The following OPCML variants were observed in gnomAD, a reference collection of about 807,000 sequenced individuals.
OPCML encodes the protein opioid binding protein/cell adhesion molecule like.
A neutral mutation model predicts 37.8 loss-of-function variants in OPCML; 13 were observed. The observed-to-expected ratio is 0.34, with a 90% CI of 0.22 to 0.55. The LOEUF is 0.55. Ranked by LOEUF, OPCML falls within the 20% of genes least tolerant of loss-of-function variation. OPCML has a pLI of 0.91. For missense variants in OPCML, 341 were observed against 435.6 expected, an observed-to-expected ratio of 0.78 and a Z score of 1.93; for synonymous variants, 176 against 168.8, an observed-to-expected ratio of 1.04 and a Z score of -0.33.
At chr11:133,339,446 G>T (rs1036036026) in intron 1 of OPCML, among the ~76,000 whole-genome samples, 3 of 152,150 alleles carry the variant, frequency 2.0e-5, no homozygotes, top group African/African-American at 7.2e-5. Context: ...TGGCAGGGAG[G>T]GCTGCCCACT....
rs148323977 is a variant in OPCML at position 133,512,303 on chromosome 11, A to C, written c.61+19961T>G. 3.2e-3 allele frequency among the ~76,000 whole-genome samples: 491 copies of C among 152,360 alleles called. 3 individuals carry two copies. The highest frequency in any genetic ancestry group is 0.011 in the African/African-American group (469 of 41,592). On this transcript the variant is annotated intron_variant, in intron 1 of 7. Coordinates refer to ENST00000524381, the MANE Select transcript of OPCML (RefSeq NM_001012393.5). Reference sequence around the variant, plus strand: ...CTAGAGCGGCTCACAAAACTCAGGGAAACACTTTGCTTACATTTTACCCAC... The same window carrying C: ...CTAGAGCGGCTCACAAAACTCAGGGCAACACTTTGCTTACATTTTACCCAC...
chr11:133,457,820 T>C (rs1415134206), intron 1 of OPCML, among the ~76,000 whole-genome samples: 1 of 151,946 alleles, frequency 6.6e-6, no homozygotes, highest in Admixed American at 6.6e-5. Context: ...ATCCTTTAAG[T>C]TGAAAGAAAC....
chr11:133,433,456 G>C (rs1177555107), intron 1 of OPCML, among the ~76,000 whole-genome samples: 1 of 152,072 alleles, frequency 6.6e-6, no homozygotes, highest in Non-Finnish European at 1.5e-5. Flanking sequence ...ATGGTGGTCT[G>C]TTTCCTCATG....
chr11:133,222,380 T>C (rs913529904), intron 1 of OPCML, among the ~76,000 whole-genome samples: 1 of 152,156 alleles, frequency 6.6e-6, no homozygotes, highest in Non-Finnish European at 1.5e-5. Context: ...TGGGGGAAAG[T>C]CAGGCTTGGG....
At chr11:132,921,509 A>G (rs1446163278) in intron 2 of OPCML, among the ~76,000 whole-genome samples, 1 of 152,198 alleles carries the variant, frequency 6.6e-6, no homozygotes, top group East Asian at 1.9e-4. Context: ...GCCCAACTGC[A>G]ATTTCTCACT....
rs141632251 is a variant in OPCML at position 133,483,674 on chromosome 11, TGATAGATAGATAGATA to T, written c.61+48574_61+48589del. On this transcript the variant is annotated intron_variant, in intron 1 of 7. Coordinates refer to ENST00000524381, the MANE Select transcript of OPCML (RefSeq NM_001012393.5). The stretch of plus-strand genomic sequence containing the variant: ...TAGATAGACAGATTAGATAAATAGA[TGATAGATAGATAGATA>T]GATAGATAGATAGATAGATAGATAG... Among the ~76,000 whole-genome samples the T allele has an allele frequency of 3.4e-3, 492 of 146,114 alleles. 2 individuals carry two copies. The highest frequency in any genetic ancestry group is 0.016 in the Middle Eastern group (2 of 122).
At chr11:133,436,242 C>T (rs536553019) in intron 1 of OPCML, among the ~76,000 whole-genome samples, 2 of 152,044 alleles carry the variant, frequency 1.3e-5, no homozygotes, top group South Asian at 2.1e-4. Context: ...ATAACAAAAA[C>T]CTAGGAACTG....
chr11:133,326,099 T>C (rs1943441407), intron 1 of OPCML, among the ~76,000 whole-genome samples: 1 of 152,138 alleles, frequency 6.6e-6, no homozygotes, highest in Non-Finnish European at 1.5e-5. Flanking sequence ...CTGAGTGCAA[T>C]CCTGAACCTG....
chr11:133,419,218 G>GT lies in OPCML; in HGVS notation c.61+113045dup, dbSNP rs541508556. 3.0e-4 allele frequency: 295 copies of GT among 984,594 alleles called. 2 individuals are homozygous for GT. Among genetic ancestry groups the GT allele is most frequent in the South Asian group, 2.2e-3 (47 of 21,268 alleles). The allele number at this position is 984,594 out of a possible 1,614,324, so 61.0% of individuals were successfully genotyped here. A position where few individuals can be genotyped will look rare whatever the true frequency, so the allele number is the denominator to read the frequency against. On this transcript the variant is annotated intron_variant, in intron 1 of 7. Coordinates refer to ENST00000524381, the MANE Select transcript of OPCML (RefSeq NM_001012393.5). ...TCTGTGCAACGGGCCAGGAGACCCT[G>GT]TGAGGTAATTACAGTCATAGTTGGG...
intron 1 of OPCML, among the ~76,000 whole-genome samples, chr11:133,332,546 T>C (rs1289856779): frequency 6.6e-6 from 1 of 152,224 alleles, no homozygotes; most frequent in East Asian, 1.9e-4. Flanking sequence ...TGCTTCCAGC[T>C]TTTGCCCATT....
intron 2 of OPCML, among the ~76,000 whole-genome samples, chr11:132,665,621 G>T (rs1406309696): frequency 6.6e-6 from 1 of 152,124 alleles, no homozygotes; most frequent in Non-Finnish European, 1.5e-5. Flanking sequence ...AAAGCGTAGG[G>T]TAGCGAAACA....
At chr11:132,934,357 T>C (rs1250869034) in intron 2 of OPCML, among the ~76,000 whole-genome samples, 1 of 152,088 alleles carries the variant, frequency 6.6e-6, no homozygotes, top group Non-Finnish European at 1.5e-5. Flanking sequence ...AGAGGGAGAT[T>C]TACAGCTGTA....
intron 2 of OPCML, among the ~76,000 whole-genome samples, chr11:132,889,457 T>C (rs1045313238): frequency 6.6e-6 from 1 of 152,210 alleles, no homozygotes; most frequent in African/African-American, 2.4e-5. Flanking sequence ...CACATAGTCA[T>C]GTTGTAGCTG....
intron 1 of OPCML, chr11:133,007,056 C>T: frequency 1.5e-5 from 15 of 985,420 alleles, no homozygotes; most frequent in Non-Finnish European, 1.7e-5. Flanking sequence ...AAATCCTTTT[C>T]TTTCCAGACT....
chr11:132,669,810 C>T (rs1357988437), intron 2 of OPCML, among the ~76,000 whole-genome samples: 1 of 152,154 alleles, frequency 6.6e-6, no homozygotes, highest in African/African-American at 2.4e-5. Context: ...CAATATCCAG[C>T]CCCTCTGGTC....
chr11:132,733,990 T>C (rs1227780043), intron 2 of OPCML, among the ~76,000 whole-genome samples: 1 of 152,220 alleles, frequency 6.6e-6, no homozygotes, highest in Non-Finnish European at 1.5e-5. Flanking sequence ...GTGTATGACA[T>C]TGAGTAAATT....
At chr11:132,998,650 G>T (rs1781241083) in intron 1 of OPCML, among the ~76,000 whole-genome samples, 1 of 152,210 alleles carries the variant, frequency 6.6e-6, no homozygotes. Context: ...AATTTTATAT[G>T]TGGAAATCTT....
intron 7 of OPCML, among the ~76,000 whole-genome samples, chr11:132,430,866 T>C (rs2095994433): frequency 6.6e-6 from 1 of 152,132 alleles, no homozygotes; most frequent in African/African-American, 2.4e-5. Context: ...GTGCCAGATG[T>C]AATCAAGTCC....
At chr11:132,791,441 A>T in intron 2 of OPCML, among the ~76,000 whole-genome samples, 1 of 152,300 alleles carries the variant, frequency 6.6e-6, no homozygotes, top group South Asian at 2.1e-4. Context: ...AACAAGAACT[A>T]TCAGACCCCT....
Sources: allele counts gnomAD v4.1 joint callset (sites outside exome capture counted in the v4.1 genomes callset), GRCh38; gene constraint gnomAD v4.1.1; transcripts MANE v1.5; gene names NCBI Gene and HGNC (gene_info 2026-07-23, HGNC 2026-07-21).